The following AGBL1 variants were observed in gnomAD, a reference collection of about 807,000 sequenced individuals.
The protein encoded by AGBL1 is cytosolic carboxypeptidase 4.
Under a neutral mutation model 118.9 loss-of-function variants are expected in AGBL1, and 130 were observed. That is an observed-to-expected ratio of 1.09 (90% CI 0.95 to 1.26). The LOEUF (loss-of-function observed/expected upper bound fraction) is 1.26. AGBL1 is among the 50% of genes most tolerant of loss of function. The pLI is 0.00. For synonymous variants in AGBL1, 555 were observed against 478.9 expected (o/e 1.16, Z -2.08); for missense variants, 1,584 against 1,298.1 (o/e 1.22, Z -3.38).
intron 22 of AGBL1, among the ~76,000 whole-genome samples, chr15:86,758,966 C>CAAAAAAAAAAAAAA (rs80297816): frequency 2.5e-5 from 2 of 80,908 alleles, no homozygotes; most frequent in Non-Finnish European, 2.5e-5. Context: ...GACACCCTGT[C>CAAAAAAAAAAAAAA]AAAAAAAAAA....
chr15:86,341,006 C>A (rs532123145), intron 17 of AGBL1, among the ~76,000 whole-genome samples: 1 of 152,288 alleles, frequency 6.6e-6, no homozygotes, highest in South Asian at 2.1e-4. Flanking sequence ...CTGATACCAC[C>A]CCAGTGGGGA....
chr15:86,359,861 G>GT (rs144213775), intron 17 of AGBL1, among the ~76,000 whole-genome samples: 4,880 of 151,754 alleles, frequency 0.032, 111 homozygotes, highest in Non-Finnish European at 0.051. Context: ...CAGATACTTT[G>GT]TTTTTTTGTG....
intron 22 of AGBL1, among the ~76,000 whole-genome samples, chr15:86,719,139 T>C (rs926125025): frequency 6.6e-6 from 1 of 152,116 alleles, no homozygotes; most frequent in East Asian, 1.9e-4. Flanking sequence ...AGAAAAAATA[T>C]GTAAGCATTT....
chr15:86,562,790 A>G (rs1012786922), intron 21 of AGBL1, among the ~76,000 whole-genome samples: 2 of 151,868 alleles, frequency 1.3e-5, no homozygotes, highest in Non-Finnish European at 2.9e-5. Context: ...TTTTTGGTGG[A>G]TAGGCTATTA....
At chr15:86,196,015 G>A (rs1465057733) in intron 5 of AGBL1, among the ~76,000 whole-genome samples, 1 of 152,090 alleles carries the variant, frequency 6.6e-6, no homozygotes, top group East Asian at 1.9e-4. Flanking sequence ...CAGTTCAAAT[G>A]CCATAAGACA....
At position 86,264,261 on chromosome 15, in the gene AGBL1, C is replaced by T; in HGVS notation, c.1090C>T (p.Leu364=). The change falls in exon 11 of 23, where the codon CTG becomes TTG. Residue 364 remains leucine, a synonymous_variant. Coordinates refer to ENST00000614907, the MANE Select transcript of AGBL1 (RefSeq NM_001386094.1). ...GTATTCCATTTTGAACCTGAAGGAA[C>T]TGCAGTCCAAACTTGGAGATGATTT... ...CLELSYSFEE[L]QSKLGDDLNS... 2.5e-6 allele frequency: 4 copies of T among 1,588,250 alleles called. No homozygotes were observed. Among genetic ancestry groups the T allele is most frequent in the Non-Finnish European group, 3.4e-6 (4 of 1,167,250 alleles).
intron 22 of AGBL1, among the ~76,000 whole-genome samples, chr15:86,889,301 T>C (rs2080016587): frequency 7.0e-6 from 1 of 143,188 alleles, no homozygotes. Flanking sequence ...GAAATCTAAG[T>C]GCTTTCGGCA....
At chr15:86,158,419 G>T (rs1343916847) in intron 4 of AGBL1, among the ~76,000 whole-genome samples, 1 of 152,134 alleles carries the variant, frequency 6.6e-6, no homozygotes. Flanking sequence ...AAAAACACAA[G>T]TCCAGTGGAG....
chr15:86,334,262 A>G (rs2080322478), intron 17 of AGBL1, among the ~76,000 whole-genome samples: 1 of 152,202 alleles, frequency 6.6e-6, no homozygotes, highest in Admixed American at 6.5e-5. Flanking sequence ...TTCTATACCT[A>G]GAGAACCCTA....
chr15:86,103,145 G>C (rs35718131), intron 1 of AGBL1, among the ~76,000 whole-genome samples: 2 of 151,598 alleles, frequency 1.3e-5, no homozygotes, highest in Non-Finnish European at 1.5e-5. Context: ...ATTTCTGTTT[G>C]GTTCTCTTTA....
At chr15:86,168,386 C>CA (rs2042910585) in intron 5 of AGBL1, among the ~76,000 whole-genome samples, 2 of 151,988 alleles carry the variant, frequency 1.3e-5, no homozygotes, top group Admixed American at 6.5e-5. Context: ...AGAGCAAAGA[C>CA]AAAAAAGCAT....
rs1027312081 is a variant in AGBL1 at position 86,595,012 on chromosome 15, C to T, written c.2994+40475C>T. 2.6e-5 allele frequency among the ~76,000 whole-genome samples: 4 copies of T among 152,200 alleles called. No individual in the cohort carries two copies. In the East Asian group the frequency reaches 7.7e-4, roughly 29 times the overall value. ...GACTAAGTTGGTCACTTTCTTCTTT[C>T]CTCACTTGGCTTTCAGGACACCACC... On this transcript the variant is annotated intron_variant, in intron 21 of 22. Transcript: ENST00000614907.
intron 22 of AGBL1, among the ~76,000 whole-genome samples, chr15:86,737,264 T>C (rs1165202429): frequency 2.0e-5 from 3 of 152,124 alleles, no homozygotes; most frequent in Admixed American, 6.5e-5. Flanking sequence ...AGGTGATATC[T>C]GAGCTGGGCC....
intron 19 of AGBL1, among the ~76,000 whole-genome samples, chr15:86,545,610 T>C (rs1387376963): frequency 6.6e-6 from 1 of 152,148 alleles, no homozygotes; most frequent in Non-Finnish European, 1.5e-5. Flanking sequence ...TGTGTCCATG[T>C]GTTCTCATCA....
At chr15:86,382,582 C>T (rs922666677) in intron 17 of AGBL1, among the ~76,000 whole-genome samples, 4 of 152,002 alleles carry the variant, frequency 2.6e-5, no homozygotes, top group Non-Finnish European at 4.4e-5. Context: ...ATCTGAAATA[C>T]CCTTGTCAGG....
At chr15:86,932,126 AG>A (rs372948544) in intron 23 of AGBL1, among the ~76,000 whole-genome samples, 82 of 152,350 alleles carry the variant, frequency 5.4e-4, no homozygotes, top group African/African-American at 1.9e-3. Flanking sequence ...TCATTCAGGT[AG>A]GAAAGACAGG....
Position 86,913,710 on chromosome 15 carries a change from A to G in AGBL1, c.*6416A>G, listed in dbSNP as rs1341639749. 3.3e-5 allele frequency: 5 copies of G among 152,202 alleles called. No individual in the cohort carries two copies. Among genetic ancestry groups the G allele is most frequent in the African/African-American group, 1.2e-4 (5 of 41,444 alleles). The allele number at this position is 152,202 out of a possible 1,614,324, so 9.4% of individuals were successfully genotyped here. ...TAGACCCTGAATCTACAAAAAATAA[A>G]GAAAAAAAATAGCCAGGCGTGATGG... is the stretch of plus-strand genomic sequence containing the variant. On this transcript the variant is annotated 3_prime_UTR_variant, in exon 23 of 23. Transcript: ENST00000614907.
chr15:86,295,541 C>A, intron 17 of AGBL1, 133 bp downstream of exon 17: 2 of 869,910 alleles, frequency 2.3e-6, no homozygotes, highest in South Asian at 2.6e-5. Context: ...AGAAATACAC[C>A]CCCAGCTTTT....
chr15:86,107,880 A>G (rs1897143344), intron 1 of AGBL1, among the ~76,000 whole-genome samples: 1 of 152,180 alleles, frequency 6.6e-6, no homozygotes, highest in Admixed American at 6.5e-5. Flanking sequence ...GTGCATCCAT[A>G]TGGGTTCCAA....
Sources: allele counts gnomAD v4.1 joint callset (sites outside exome capture counted in the v4.1 genomes callset), GRCh38; gene constraint gnomAD v4.1.1; transcripts MANE v1.5; gene names NCBI Gene and HGNC (gene_info 2026-07-23, HGNC 2026-07-21).